The following GLRA2 variants were observed in gnomAD, a reference collection of about 807,000 sequenced individuals.
GLRA2 encodes glycine receptor alpha 2.
Under a neutral mutation model 31.6 loss-of-function variants are expected in GLRA2, and 11 were observed. That is an observed-to-expected ratio of 0.35 (90% confidence interval 0.22 to 0.58). The LOEUF is 0.58. Ranked by LOEUF, GLRA2 falls within the 20% of genes least tolerant of loss-of-function variation. GLRA2 has a pLI of 0.84. For missense variants in GLRA2, 212 were observed against 351.8 expected (o/e 0.60, Z 3.18); for synonymous variants, 132 against 134.0 (o/e 0.99, Z 0.10).
intron 4 of GLRA2, among the ~76,000 whole-genome samples, chrX:14,586,487 C>A (rs2090082474): frequency 8.9e-6 from 1 of 112,246 alleles, no homozygotes. Flanking sequence ...TGTAAACCTT[C>A]TTCAGAGAAA....
intron 4 of GLRA2, among the ~76,000 whole-genome samples, chrX:14,603,069 A>G (rs745322163): frequency 9.4e-4 from 96 of 101,772 alleles, no homozygotes; most frequent in Non-Finnish European, 1.2e-3. Flanking sequence ...CACCACATCC[A>G]TGCCAACATC....
the GLRA2 span, among the ~76,000 whole-genome samples, chrX:14,507,156 C>T: frequency 3.6e-5 from 4 of 111,679 alleles, no homozygotes; most frequent in Admixed American, 3.8e-4. Context: ...CTTGGACTAT[C>T]AGATCTGACT....
rs143806611 is a variant in GLRA2, at chrX:14,657,468, T to G, written c.931-33242T>G. On this transcript the variant is annotated intron_variant, in intron 7 of 8. Transcript: ENST00000218075. ...ACTCTCCTGCTTCTGTCTCTTCCCCTTTGAGTGAACTGCTCAGAAAACAGG... is the reference window on the plus strand; with the variant it reads ...ACTCTCCTGCTTCTGTCTCTTCCCCGTTGAGTGAACTGCTCAGAAAACAGG... Among the ~76,000 whole-genome samples the G allele has an allele frequency of 3.3e-3, 366 of 112,455 alleles. 1 individual carries two copies. The highest frequency in any genetic ancestry group is 0.011 in the African/African-American group (352 of 30,980).
At chrX:14,455,066 G>T in the GLRA2 span, among the ~76,000 whole-genome samples, 1 of 111,342 alleles carries the variant, frequency 9.0e-6, no homozygotes, top group African/African-American at 3.3e-5. Context: ...ACAGTGATTT[G>T]CCATCCCTGT....
At chrX:14,507,759 A>G in the GLRA2 span, among the ~76,000 whole-genome samples, 1 of 88,490 alleles carries the variant, frequency 1.1e-5, no homozygotes, top group Non-Finnish European at 2.2e-5. Context: ...GCACTGGCAC[A>G]ATCAGCTCAC....
chrX:14,466,020 A>G, the GLRA2 span, among the ~76,000 whole-genome samples: 3 of 111,848 alleles, frequency 2.7e-5, no homozygotes, highest in Non-Finnish European at 5.6e-5. Context: ...ATCAATGCTT[A>G]TTGTTTTATT....
intron 4 of GLRA2, among the ~76,000 whole-genome samples, chrX:14,586,673 C>A (rs766960436): frequency 7.2e-5 from 8 of 111,657 alleles, no homozygotes; most frequent in Non-Finnish European, 1.1e-4. Context: ...GAAGGTTGTA[C>A]ATATTATTGT....
intron 3 of GLRA2, among the ~76,000 whole-genome samples, chrX:14,577,575 C>G (rs1299782302): frequency 2.7e-5 from 3 of 111,938 alleles, no homozygotes; most frequent in Non-Finnish European, 5.6e-5. Context: ...CTAGCATGGT[C>G]AGGTTCTGAT....
intron 7 of GLRA2, among the ~76,000 whole-genome samples, chrX:14,615,900 C>A (rs956535182): frequency 9.0e-6 from 1 of 111,511 alleles, no homozygotes; most frequent in Non-Finnish European, 1.9e-5. Context: ...GAAGTTCAAT[C>A]CCTTCTCTAA....
chrX:14,542,660 A>G (rs1318629156), intron 2 of GLRA2, among the ~76,000 whole-genome samples: 1 of 110,655 alleles, frequency 9.0e-6, no homozygotes, highest in Non-Finnish European at 1.9e-5. Context: ...CAGTTAGAAC[A>G]TAGTTTATTC....
chrX:14,660,936 A>G (rs908095033), intron 7 of GLRA2, among the ~76,000 whole-genome samples: 1 of 111,888 alleles, frequency 8.9e-6, no homozygotes, highest in African/African-American at 3.2e-5. Context: ...TAAAGATACA[A>G]ATTTCACTGA....
chrX:14,602,351 CGTT>C (rs1256733302), intron 4 of GLRA2, among the ~76,000 whole-genome samples: 5 of 74,300 alleles, frequency 6.7e-5, no homozygotes, highest in African/African-American at 2.2e-4. Context: ...ATGTACAAAC[CGTT>C]GTTTGTTTGT....
At position 14,581,419 on chromosome X, in the gene GLRA2, T is replaced by A; in HGVS notation, c.494+13T>A. 1.0e-6 allele frequency: 1 copy of A among 969,158 alleles called. No homozygotes were observed. Among genetic ancestry groups the A allele is most frequent in the East Asian group, 3.1e-5 (1 of 32,733 alleles). 79.9% of individuals were successfully genotyped at this position (969,158 alleles called of 1,213,427 possible). ...TCTACAGTATCAGGTAAGCCTCCAT[T>A]GGCTGCACATGTTCGCATCTCCATT... On this transcript the variant is annotated intron_variant, in intron 4 of 8. Coordinates refer to ENST00000218075, the MANE Select transcript of GLRA2 (RefSeq NM_002063.4).
chrX:14,532,917 C>A (rs184737662), intron 2 of GLRA2, among the ~76,000 whole-genome samples: 2 of 105,283 alleles, frequency 1.9e-5, no homozygotes, highest in East Asian at 5.6e-4. Flanking sequence ...TATTTGAAAT[C>A]AACAAAGATC....
At chrX:14,690,889 A>G (rs370912651) in intron 8 of GLRA2, 30 bp downstream of exon 8, 33 of 1,192,564 alleles carry the variant, frequency 2.8e-5, no homozygotes, top group Admixed American at 4.4e-5. Flanking sequence ...CAGACAATGT[A>G]GAGCTTGAGT....
intron 7 of GLRA2, among the ~76,000 whole-genome samples, chrX:14,619,502 G>T (rs761957399): frequency 1.8e-5 from 2 of 110,836 alleles, no homozygotes; most frequent in South Asian, 3.8e-4. Context: ...GAGGGCATGT[G>T]CTCTGGGCCC....
intron 8 of GLRA2, among the ~76,000 whole-genome samples, chrX:14,713,216 G>A (rs2091738223): frequency 8.9e-6 from 1 of 112,024 alleles, no homozygotes; most frequent in Non-Finnish European, 1.9e-5. Flanking sequence ...TTTGAGTTTA[G>A]TAGTGGGTTC....
At chrX:14,578,850 C>T (rs1354885532) in intron 3 of GLRA2, among the ~76,000 whole-genome samples, 1 of 111,667 alleles carries the variant, frequency 9.0e-6, no homozygotes, top group Admixed American at 9.5e-5. Flanking sequence ...TTCCCAGCTT[C>T]CAAATGACTG....
chrX:14,713,360 G>A (rs1021752631), intron 8 of GLRA2, among the ~76,000 whole-genome samples: 1 of 112,023 alleles, frequency 8.9e-6, no homozygotes, highest in African/African-American at 3.2e-5. Flanking sequence ...AGAATTTTGT[G>A]TGTCTTTTGA....
Sources: allele counts gnomAD v4.1 joint callset (sites outside exome capture counted in the v4.1 genomes callset), GRCh38; gene constraint gnomAD v4.1.1; transcripts MANE v1.5; gene names NCBI Gene and HGNC (gene_info 2026-07-23, HGNC 2026-07-21).